The following PCDH9 variants were observed in gnomAD, a reference collection of about 807,000 sequenced individuals.
PCDH9 encodes protocadherin 9.
In PCDH9, 24 loss-of-function variants were observed where a neutral mutation model predicts 70.6. That is an observed-to-expected ratio of 0.34 (90% CI 0.25 to 0.48). The LOEUF (loss-of-function observed/expected upper bound fraction) is 0.48, where lower values mean the gene tolerates loss of function less well. PCDH9 is among the 20% of genes least tolerant of loss of function. The pLI, the probability that PCDH9 is intolerant of heterozygous loss-of-function variation, is 0.99. For synonymous variants in PCDH9, 562 were observed against 558.5 expected (o/e 1.01, Z -0.09); for missense variants, 1,281 against 1,503.6 (o/e 0.85, Z 2.45).
intron 2 of PCDH9, among the ~76,000 whole-genome samples, chr13:67,068,387 C>G (rs2085693263): frequency 6.6e-6 from 1 of 151,882 alleles, no homozygotes; most frequent in Non-Finnish European, 1.5e-5. Flanking sequence ...TTATTATAAT[C>G]TGGATATGTA....
At chr13:67,155,759 G>A (rs1485169172) in intron 2 of PCDH9, among the ~76,000 whole-genome samples, 2 of 152,070 alleles carry the variant, frequency 1.3e-5, no homozygotes, top group Middle Eastern at 3.4e-3. Flanking sequence ...ACAAAAGGAA[G>A]CTGTTTTGTG....
chr13:67,129,815 C>G (rs528334986), intron 2 of PCDH9, among the ~76,000 whole-genome samples: 22 of 152,012 alleles, frequency 1.4e-4, no homozygotes, highest in African/African-American at 4.6e-4. Flanking sequence ...AATAAATTAT[C>G]TATTCTGGAT....
At position 66,987,069 on chromosome 13, in the gene PCDH9, G is replaced by T. The variant is rs569394282; in HGVS notation, c.3037-83464C>A. Among the ~76,000 whole-genome samples, 5 of 151,976 alleles carry T rather than the reference G, an allele frequency of 3.3e-5. No individual in the cohort carries two copies. The South Asian group carries it at 1.0e-3, about 32-fold the overall frequency. ...ATGGCATTTGAGAGGGCAGAGATTT[G>T]ATTTTTAATTTTCAAATGTTAGTTT... On this transcript the variant is annotated intron_variant, in intron 2 of 4. Transcript: ENST00000377865.
intron 3 of PCDH9, among the ~76,000 whole-genome samples, chr13:66,794,440 T>C (rs981838042): frequency 2.0e-5 from 3 of 152,196 alleles, no homozygotes; most frequent in African/African-American, 7.2e-5. Flanking sequence ...GTTTCAATAC[T>C]TCTTTTTGTG....
rs753210691 is a variant in PCDH9 at position 67,226,774 on chromosome 13, G to T, written c.1667C>A (p.Ala556Glu). ...DNGTPPLQSQ[A>E]AVIVTVLDEN... ...ATCCAGAACAGTAACAATCACAGCCGCTTGGCTTTGGAGGGGAGGGGTCCC... is the reference window on the plus strand; with the variant it reads ...ATCCAGAACAGTAACAATCACAGCCTCTTGGCTTTGGAGGGGAGGGGTCCC... The change falls in exon 2 of 5, where the codon GCG becomes GAG. Residue 556 changes from alanine (A) to glutamate (E), a missense_variant. Coordinates refer to ENST00000377865, the MANE Select transcript of PCDH9 (RefSeq NM_203487.3). This position sits in a 1 kb window ranked among gnomAD's most constrained non-coding sequence, Gnocchi z 5.0. 4 of 1,613,984 alleles carry T rather than the reference G, an allele frequency of 2.5e-6. No individual in the cohort carries two copies. The highest frequency in any genetic ancestry group is 3.4e-6 in the Non-Finnish European group (4 of 1,179,916).
At chr13:67,105,024 G>A (rs1209033942) in intron 2 of PCDH9, among the ~76,000 whole-genome samples, 4 of 151,700 alleles carry the variant, frequency 2.6e-5, no homozygotes, top group South Asian at 2.1e-4. Context: ...TTCTCCCTTC[G>A]CTAACACTGC....
At chr13:67,225,285 T>G in intron 2 of PCDH9, 120 bp downstream of exon 2, 3 of 1,303,852 alleles carry the variant, frequency 2.3e-6, no homozygotes, top group Non-Finnish European at 3.2e-6. Flanking sequence ...TCAAGTTTTT[T>G]TTTACCTCTT....
At chr13:66,491,385 TTGTGTG>T (rs71106974) in intron 4 of PCDH9, among the ~76,000 whole-genome samples, 8 of 136,134 alleles carry the variant, frequency 5.9e-5, no homozygotes, top group African/African-American at 1.4e-4. Context: ...GCAGGAGATA[TTGTGTG>T]TGTGTGTGTG....
At chr13:66,794,535 T>G (rs1369407164) in intron 3 of PCDH9, among the ~76,000 whole-genome samples, 1 of 152,142 alleles carries the variant, frequency 6.6e-6, no homozygotes, top group Non-Finnish European at 1.5e-5. Context: ...TTTATAGGTG[T>G]CACTCACTCT....
chr13:67,224,810 T>C (rs1208258204), intron 2 of PCDH9: 10 of 892,512 alleles, frequency 1.1e-5, no homozygotes, highest in Non-Finnish European at 1.2e-5. Context: ...ATTTAATATA[T>C]TACAATAAAA....
intron 2 of PCDH9, among the ~76,000 whole-genome samples, chr13:67,105,623 A>T (rs929078514): frequency 6.6e-6 from 1 of 152,022 alleles, no homozygotes; most frequent in Non-Finnish European, 1.5e-5. Flanking sequence ...TCTTTTTAAA[A>T]CTGTGTTATG....
At chr13:66,807,359 T>A (rs982859768) in intron 3 of PCDH9, among the ~76,000 whole-genome samples, 1 of 152,170 alleles carries the variant, frequency 6.6e-6, no homozygotes, top group Non-Finnish European at 1.5e-5. Context: ...ACTATTATAC[T>A]ATTTTTCAAA....
At chr13:66,877,109 T>A (rs1389874949) in intron 3 of PCDH9, among the ~76,000 whole-genome samples, 1 of 151,768 alleles carries the variant, frequency 6.6e-6, no homozygotes, top group Admixed American at 6.6e-5. Flanking sequence ...AAAAATATAT[T>A]TATATTTAAA....
chr13:67,206,756 G>C (rs2089358435), intron 2 of PCDH9: 1 of 152,134 alleles, frequency 6.6e-6, no homozygotes, highest in Admixed American at 6.5e-5. Context: ...AACCATTCAG[G>C]CACAGGGGCT....
At chr13:66,579,325 T>C (rs1162603344) in intron 4 of PCDH9, among the ~76,000 whole-genome samples, 2 of 152,068 alleles carry the variant, frequency 1.3e-5, no homozygotes. Flanking sequence ...TTCATATAAA[T>C]ATACTGAAGT....
intron 4 of PCDH9, among the ~76,000 whole-genome samples, chr13:66,430,109 T>A (rs1054924173): frequency 6.6e-6 from 1 of 152,054 alleles, no homozygotes; most frequent in Admixed American, 6.6e-5. Flanking sequence ...TTTTCCCTAT[T>A]TATAAAAGTA....
intron 3 of PCDH9, among the ~76,000 whole-genome samples, chr13:66,895,108 A>G (rs1046511600): frequency 3.9e-5 from 6 of 152,138 alleles, no homozygotes; most frequent in African/African-American, 1.4e-4. Flanking sequence ...ACGCCCGGCC[A>G]ATATTAGGTA....
intron 3 of PCDH9, among the ~76,000 whole-genome samples, chr13:66,878,733 CTATT>C (rs1472466893): frequency 2.0e-5 from 3 of 151,718 alleles, no homozygotes; most frequent in Non-Finnish European, 2.9e-5. Context: ...TAAGAGAACT[CTATT>C]TATAAACAAA....
intron 2 of PCDH9, among the ~76,000 whole-genome samples, chr13:67,102,285 C>T (rs1024614728): frequency 6.6e-6 from 1 of 151,964 alleles, no homozygotes; most frequent in Non-Finnish European, 1.5e-5. Flanking sequence ...AGAACAAGGG[C>T]CCCTTCATTC....
Sources: gnomAD v4.1 joint callset for allele counts (sites outside exome capture counted in the v4.1 genomes callset) on GRCh38, gnomAD v4.1.1 for gene constraint, Gnocchi (gnomAD v3.1) non-coding constraint, MANE v1.5 for transcripts, NCBI Gene and HGNC (gene_info 2026-07-23, HGNC 2026-07-21) for gene names.